Variants in ADCY2 observed in about 807,000 individuals in gnomAD.
ADCY2 encodes adenylate cyclase type 2.
Under a neutral mutation model 125.2 loss-of-function variants are expected in ADCY2, and 31 were observed. The ratio of observed to expected loss-of-function variants is 0.25; its 90% CI spans 0.19 to 0.33. The LOEUF (loss-of-function observed/expected upper bound fraction) is 0.33. Among genes scored for constraint, ADCY2 ranks in the 10% least tolerant of loss-of-function variants. The pLI is 1.00. For missense variants in ADCY2, 904 were observed against 1,418.2 expected, an observed-to-expected ratio of 0.64 and a Z score of 5.82; for synonymous variants, 512 against 548.4, an observed-to-expected ratio of 0.93 and a Z score of 0.93.
chr5:7,594,636 C>G (rs950404073), intron 3 of ADCY2, among the ~76,000 whole-genome samples: 2 of 151,964 alleles, frequency 1.3e-5, no homozygotes, highest in Non-Finnish European at 2.9e-5. Context: ...TGTTATTGTC[C>G]CCAACCAAAA....
At chr5:7,540,157 C>A (rs996079631) in intron 3 of ADCY2, among the ~76,000 whole-genome samples, 2 of 152,122 alleles carry the variant, frequency 1.3e-5, no homozygotes, top group Admixed American at 6.5e-5. Flanking sequence ...TAGAGGGAAA[C>A]AACACACACT....
At chr5:7,516,531 G>A (rs932185599) in intron 2 of ADCY2, among the ~76,000 whole-genome samples, 7 of 152,186 alleles carry the variant, frequency 4.6e-5, no homozygotes, top group African/African-American at 1.4e-4. Context: ...AATGGTAGAA[G>A]CCTCAACTCC....
chr5:7,805,076 G>A (rs1455779709), intron 22 of ADCY2, among the ~76,000 whole-genome samples: 1 of 152,074 alleles, frequency 6.6e-6, no homozygotes, highest in African/African-American at 2.4e-5. Flanking sequence ...AGCACTTTGG[G>A]AGGCCGAGGT....
At chr5:7,712,922 T>C in intron 11 of ADCY2, 23 bp downstream of exon 11, 1 of 1,548,852 alleles carries the variant, frequency 6.5e-7, no homozygotes, top group Non-Finnish European at 8.9e-7. Flanking sequence ...TCTATCTGAT[T>C]TTTTAAAGCT....
chr5:7,743,453 T>G (rs1211171199), intron 14 of ADCY2, among the ~76,000 whole-genome samples: 1 of 152,196 alleles, frequency 6.6e-6, no homozygotes, highest in East Asian at 1.9e-4. Context: ...GGCAGTTTTA[T>G]TGAGTCAGAA....
intron 4 of ADCY2, among the ~76,000 whole-genome samples, chr5:7,683,809 G>GT (rs1284079269): frequency 6.6e-6 from 1 of 152,188 alleles, no homozygotes; most frequent in Non-Finnish European, 1.5e-5. Context: ...AAAATATTCT[G>GT]TTTTGCTCCT....
intron 10 of ADCY2, among the ~76,000 whole-genome samples, chr5:7,712,076 A>G (rs777491502): frequency 6.6e-6 from 1 of 152,220 alleles, no homozygotes; most frequent in Non-Finnish European, 1.5e-5. Context: ...ACTGTATGGA[A>G]TGAAACTTGG....
rs540940501 is a variant in ADCY2, at chr5:7,784,903, G to C, written c.2469+454G>C. ...ATCATTCCTAGAAATATGATCCCCT[G>C]TTAAAAAGTTTTATTTTGCAATGCA... On this transcript the variant is annotated intron_variant, in intron 19 of 24. Transcript: ENST00000338316. Among the ~76,000 whole-genome samples, 29 of 152,228 alleles carry C rather than the reference G, an allele frequency of 1.9e-4. 2 individuals carry two copies. The South Asian group carries it at 5.6e-3, about 29-fold the overall frequency.
At chr5:7,411,264 C>T (rs921875161) in intron 1 of ADCY2, among the ~76,000 whole-genome samples, 11 of 152,154 alleles carry the variant, frequency 7.2e-5, no homozygotes, top group African/African-American at 2.4e-4. Context: ...CTGACTGTCT[C>T]AAGCCGTTGG....
intron 3 of ADCY2, among the ~76,000 whole-genome samples, chr5:7,621,120 A>G (rs1045247776): frequency 6.6e-6 from 1 of 152,190 alleles, no homozygotes; most frequent in African/African-American, 2.4e-5. Flanking sequence ...AATTTCTCAA[A>G]TGTTTAAAGA....
chr5:7,704,000 CAA>C (rs11419642), intron 7 of ADCY2, among the ~76,000 whole-genome samples: 1 of 134,670 alleles, frequency 7.4e-6, no homozygotes, highest in Non-Finnish European at 1.5e-5. Flanking sequence ...AGATTCTGTC[CAA>C]AAAAAAAAAA....
intron 3 of ADCY2, among the ~76,000 whole-genome samples, chr5:7,589,458 A>AAAGAAAGAAAG (rs1554022169): frequency 4.1e-5 from 3 of 72,932 alleles, no homozygotes; most frequent in Non-Finnish European, 8.3e-5. Flanking sequence ...GAAGGAAAGA[A>AAAGAAAGAAAG]AAAGAAAGAA....
At chr5:7,543,611 C>G (rs976556398) in intron 3 of ADCY2, among the ~76,000 whole-genome samples, 12 of 152,106 alleles carry the variant, frequency 7.9e-5, no homozygotes, top group Non-Finnish European at 1.5e-4. Flanking sequence ...ATTGCAAAAA[C>G]CACAATTACC....
intron 15 of ADCY2, among the ~76,000 whole-genome samples, chr5:7,751,832 C>G (rs1186192990): frequency 6.6e-6 from 1 of 152,146 alleles, no homozygotes; most frequent in East Asian, 1.9e-4. Flanking sequence ...CCAGGACACT[C>G]CTGGACCCAC....
chr5:7,724,413 T>TG, intron 12 of ADCY2, 132 bp from the exon 13 acceptor site: 1 of 695,856 alleles, frequency 1.4e-6, no homozygotes, highest in African/African-American at 1.8e-5. Flanking sequence ...CACGTGTTTT[T>TG]TTTTTTTTTT....
intron 16 of ADCY2, among the ~76,000 whole-genome samples, chr5:7,761,306 C>T (rs745627144): frequency 7.2e-5 from 11 of 151,846 alleles, no homozygotes; most frequent in African/African-American, 1.7e-4. Context: ...CCCACCACTA[C>T]GCCCACCTAA....
chr5:7,699,832 C>T (rs1052143380), intron 7 of ADCY2, among the ~76,000 whole-genome samples: 1 of 152,170 alleles, frequency 6.6e-6, no homozygotes, highest in Non-Finnish European at 1.5e-5. Context: ...AAGCGATCTG[C>T]TTGCCTTGGC....
intron 4 of ADCY2, among the ~76,000 whole-genome samples, chr5:7,657,729 C>G (rs907999333): frequency 3.3e-5 from 5 of 152,224 alleles, no homozygotes; most frequent in African/African-American, 1.2e-4. Flanking sequence ...AAACATGTGC[C>G]TCCCCTGCAA....
chr5:7,490,279 A>T (rs1743112414), intron 2 of ADCY2, among the ~76,000 whole-genome samples: 1 of 152,180 alleles, frequency 6.6e-6, no homozygotes, highest in South Asian at 2.1e-4. Flanking sequence ...TATCTTTAAG[A>T]AGTTACTTTC....
Sources: gnomAD v4.1 joint callset for allele counts (sites outside exome capture counted in the v4.1 genomes callset) on GRCh38, gnomAD v4.1.1 for gene constraint, MANE v1.5 for transcripts, NCBI Gene and HGNC (gene_info 2026-07-23, HGNC 2026-07-21) for gene names.